PCDHGA3: variants seen among roughly 807,000 people sequenced by gnomAD.
PCDHGA3 encodes protocadherin gamma subfamily A, 3.
A neutral mutation model predicts 58.5 loss-of-function variants in PCDHGA3; 40 were observed. That is an observed-to-expected ratio of 0.68 (90% CI 0.53 to 0.89). PCDHGA3 has a LOEUF of 0.89. Among genes scored for constraint, PCDHGA3 ranks in the 40% least tolerant of loss-of-function variants. The pLI is 0.00. For synonymous variants in PCDHGA3, 530 were observed against 525.7 expected (o/e 1.01, Z -0.11); for missense variants, 1,223 against 1,195.9 (o/e 1.02, Z -0.33).
At chr5:141,403,784 G>T in intron 1 of PCDHGA3, 1 of 1,613,906 alleles carries the variant, frequency 6.2e-7, no homozygotes, top group Non-Finnish European at 8.5e-7. Context: ...CGGAAAAGTG[G>T]CATACAAATT....
Position 141,485,138 on chromosome 5 carries a change from T to A in PCDHGA3, c.2425-9669T>A, listed in dbSNP as rs374309554. On this transcript the variant is annotated intron_variant, in intron 1 of 3. Coordinates refer to ENST00000253812, the MANE Select transcript of PCDHGA3 (RefSeq NM_018916.4). This position sits in a 1 kb window ranked among gnomAD's most constrained non-coding sequence, Gnocchi z 5.7. ...TTGGGGCGGGTCGGCTTCATCCGCG[T>A]CTCAGGAGCAAGTAGAGAATTAGCG... is the stretch of plus-strand genomic sequence containing the variant. 17 of 1,528,690 alleles carry A rather than the reference T, an allele frequency of 1.1e-5. No individual in the cohort carries two copies. The highest frequency in any genetic ancestry group is 1.3e-5 in the Non-Finnish European group (14 of 1,109,458). 94.7% of individuals were successfully genotyped at this position (1,528,690 alleles called of 1,614,324 possible).
chr5:141,438,601 T>C (rs2098005462), intron 1 of PCDHGA3, among the ~76,000 whole-genome samples: 6 of 26,284 alleles, frequency 2.3e-4, no homozygotes, highest in African/African-American at 1.3e-3. Flanking sequence ...CATATATATA[T>C]ATATATATAT....
chr5:141,346,475 T>A lies in PCDHGA3; in HGVS notation c.2424+18T>A. On this transcript the variant is annotated intron_variant, in intron 1 of 3. Transcript: ENST00000253812. Reference sequence around the variant, plus strand: ...TACTTCAGGTGAGTTTATTTATTTCTTTGATTATTAAGAACAAATATGAGA... The same window carrying A: ...TACTTCAGGTGAGTTTATTTATTTCATTGATTATTAAGAACAAATATGAGA... 6.2e-7 allele frequency: 1 copy of A among 1,613,716 alleles called. No individual in the cohort carries two copies. The highest frequency in any genetic ancestry group is 8.5e-7 in the Non-Finnish European group (1 of 1,179,736).
Position 141,491,522 on chromosome 5 carries a change from A to G in PCDHGA3, c.2425-3285A>G, listed in dbSNP as rs778246278. ...TCGGACGGCACGCTCAAGTACATGG[A>G]GGTGACGCTGCGGCCCACAGACTCG... is the stretch of plus-strand genomic sequence containing the variant. On this transcript the variant is annotated intron_variant, in intron 1 of 3. Coordinates refer to ENST00000253812, the MANE Select transcript of PCDHGA3 (RefSeq NM_018916.4). The surrounding 1 kb of genome is among the most constrained non-coding windows in gnomAD (Gnocchi z 6.9). 8.1e-6 allele frequency: 13 copies of G among 1,614,024 alleles called. No homozygotes were observed. Among genetic ancestry groups the G allele is most frequent in the Non-Finnish European group, 1.1e-5 (13 of 1,180,002 alleles).
chr5:141,417,232 G>C (rs997894028), intron 1 of PCDHGA3: 5 of 152,072 alleles, frequency 3.3e-5, no homozygotes, highest in Non-Finnish European at 7.4e-5. Flanking sequence ...AAAATTTGTT[G>C]CTTATCTTCA....
At chr5:141,398,573 G>A (rs561224063) in intron 1 of PCDHGA3, 39 of 1,613,870 alleles carry the variant, frequency 2.4e-5, no homozygotes, top group Non-Finnish European at 3.1e-5. Flanking sequence ...GCACAGCCTG[G>A]CACAAGATTT....
At position 141,489,783 on chromosome 5, in the gene PCDHGA3, T is replaced by C; in HGVS notation, c.2425-5024T>C. The C allele has an allele frequency of 6.2e-7, 1 of 1,614,164 alleles. No individual in the cohort carries two copies. On this transcript the variant is annotated intron_variant, in intron 1 of 3. Transcript: ENST00000253812. The surrounding 1 kb of genome is among the most constrained non-coding windows in gnomAD (Gnocchi z 4.5). ...GCCCCAACAGCCACTTCTCTCTGAA[T>C]GTGAAGACCCTAAAAGATGGGAAGC... is the stretch of plus-strand genomic sequence containing the variant.
intron 1 of PCDHGA3, chr5:141,478,694 T>G: frequency 1.3e-6 from 2 of 1,550,598 alleles, no homozygotes; most frequent in Non-Finnish European, 1.7e-6. Context: ...TAGATCAAAG[T>G]TAGTGCCTTT....
At chr5:141,379,831 C>T (rs1242791393) in intron 1 of PCDHGA3, among the ~76,000 whole-genome samples, 3 of 142,262 alleles carry the variant, frequency 2.1e-5, no homozygotes, top group Non-Finnish European at 4.5e-5. Context: ...TTTGAAGCAT[C>T]AGGAAAAAAA....
chr5:141,388,432 A>C (rs760022375), intron 1 of PCDHGA3: 1 of 1,613,760 alleles, frequency 6.2e-7, no homozygotes, highest in South Asian at 1.1e-5. Context: ...CTGATAAATA[A>C]AGAGAAATCA....
At position 141,485,939 on chromosome 5, in the gene PCDHGA3, C is replaced by A; in HGVS notation, c.2425-8868C>A. ...CAGGATTAGTGTGTTGGAGAGCGCA[C>A]CAGCGGGCATGGTGCTCATCCAGCT... On this transcript the variant is annotated intron_variant, in intron 1 of 3. Transcript: ENST00000253812. This position sits in a 1 kb window ranked among gnomAD's most constrained non-coding sequence, Gnocchi z 5.7. 1 of 1,614,140 alleles carries A rather than the reference C, an allele frequency of 6.2e-7. No homozygotes were observed. The highest frequency in any genetic ancestry group is 8.5e-7 in the Non-Finnish European group (1 of 1,180,030).
intron 1 of PCDHGA3, chr5:141,430,826 CT>C (rs765096486): frequency 1.3e-6 from 2 of 1,550,416 alleles, no homozygotes; most frequent in East Asian, 2.2e-5. Flanking sequence ...CCTGGGGACT[CT>C]GTGGGAGACC....
At chr5:141,433,208 CTTT>C (rs745329085) in intron 1 of PCDHGA3, 6 of 1,292,918 alleles carry the variant, frequency 4.6e-6, no homozygotes, top group East Asian at 2.6e-5. Flanking sequence ...AATCTTCTTT[CTTT>C]TTTTTTTTTA....
In PCDHGA3 at chr5:141,486,680, T is replaced by A; in HGVS notation, c.2425-8127T>A. The A allele has an allele frequency of 6.2e-7, 1 of 1,614,102 alleles. No homozygotes were observed. Among genetic ancestry groups the A allele is most frequent in the Non-Finnish European group, 8.5e-7 (1 of 1,180,018 alleles). ...CCTGGAGCCCAGGAATCGAGATGTA[T>A]CAGCTTCCTCTTTCATCTCTCTGAA... is the stretch of plus-strand genomic sequence containing the variant. On this transcript the variant is annotated intron_variant, in intron 1 of 3. Coordinates refer to ENST00000253812, the MANE Select transcript of PCDHGA3 (RefSeq NM_018916.4). This position sits in a 1 kb window ranked among gnomAD's most constrained non-coding sequence, Gnocchi z 5.0.
chr5:141,419,701 C>T (rs1268060859), intron 1 of PCDHGA3: 7 of 1,612,860 alleles, frequency 4.3e-6, no homozygotes, highest in Non-Finnish European at 5.9e-6. Flanking sequence ...CCAGTGAGCC[C>T]GGGCTCTTCA....
intron 2 of PCDHGA3, among the ~76,000 whole-genome samples, chr5:141,501,847 C>T (rs976699397): frequency 1.3e-5 from 2 of 152,140 alleles, no homozygotes; most frequent in Admixed American, 6.5e-5. Context: ...GGCCCTCAAC[C>T]TTCAACCATT....
At chr5:141,368,960 T>G (rs1765952746) in intron 1 of PCDHGA3, among the ~76,000 whole-genome samples, 2 of 152,218 alleles carry the variant, frequency 1.3e-5, no homozygotes, top group African/African-American at 2.4e-5. Flanking sequence ...TAGTTTAAGA[T>G]GCTATAATGC....
Position 141,487,552 on chromosome 5 carries a change from A to C in PCDHGA3, c.2425-7255A>C. On this transcript the variant is annotated intron_variant, in intron 1 of 3. Coordinates refer to ENST00000253812, the MANE Select transcript of PCDHGA3 (RefSeq NM_018916.4). The surrounding 1 kb of genome is among the most constrained non-coding windows in gnomAD (Gnocchi z 5.0). ...TCATGATGGTGAAGTCACCCAGTGC[A>C]CCTATGGCAGGGGAGCCTGTTCGCC... is the stretch of plus-strand genomic sequence containing the variant. 2 of 1,614,116 alleles carry C rather than the reference A, an allele frequency of 1.2e-6. No homozygotes were observed. The highest frequency in any genetic ancestry group is 1.7e-6 in the Non-Finnish European group (2 of 1,180,024).
intron 1 of PCDHGA3, chr5:141,410,485 A>C (rs1277289074): frequency 6.2e-7 from 1 of 1,613,898 alleles, no homozygotes; most frequent in Admixed American, 1.7e-5. Context: ...ATACGGGTAC[A>C]AAAGAGTTTA....
Sources: gnomAD v4.1 joint callset for allele counts (sites outside exome capture counted in the v4.1 genomes callset) on GRCh38, gnomAD v4.1.1 for gene constraint, Gnocchi (gnomAD v3.1) non-coding constraint, MANE v1.5 for transcripts, NCBI Gene and HGNC (gene_info 2026-07-23, HGNC 2026-07-21) for gene names.